The following MYO16 variants were observed in gnomAD, a reference collection of about 807,000 sequenced individuals.
MYO16 encodes the protein unconventional myosin-XVI.
Under a neutral mutation model 205.3 loss-of-function variants are expected in MYO16, and 94 were observed. That is an observed-to-expected ratio of 0.46 (90% CI 0.39 to 0.54). The LOEUF (loss-of-function observed/expected upper bound fraction) is 0.54, where lower values mean the gene tolerates loss of function less well. MYO16 is among the 20% of genes least tolerant of loss of function. MYO16 has a pLI of 0.00. For missense variants in MYO16, 2,315 were observed against 2,387.5 expected (o/e 0.97, Z 0.63); for synonymous variants, 988 against 954.0 (o/e 1.04, Z -0.66).
At chr13:108,926,569 C>A (rs1882016227) in intron 16 of MYO16, among the ~76,000 whole-genome samples, 1 of 152,020 alleles carries the variant, frequency 6.6e-6, no homozygotes, top group African/African-American at 2.4e-5. Context: ...ACACACAGGA[C>A]TCTCCCGAGG....
At chr13:108,717,380 CA>C (rs56825554) in intron 3 of MYO16, among the ~76,000 whole-genome samples, 152,216 of 152,216 alleles carry the variant, frequency 1, 76,108 homozygotes, top group Non-Finnish European at 1. Flanking sequence ...CCTGTAATCT[CA>C]AGCACTTTGG....
At chr13:109,005,678 T>G (rs1346396082) in intron 21 of MYO16, among the ~76,000 whole-genome samples, 2 of 152,218 alleles carry the variant, frequency 1.3e-5, no homozygotes, top group East Asian at 3.9e-4. Context: ...ATCACCCCGT[T>G]TCTGAAGATG....
At chr13:108,573,891 C>T in the MYO16 span, among the ~76,000 whole-genome samples, 1 of 152,302 alleles carries the variant, frequency 6.6e-6, no homozygotes, top group East Asian at 1.9e-4. Context: ...CACTCCATTG[C>T]CCAGGCTGGA....
At chr13:108,676,851 G>T (rs141808571) in intron 2 of MYO16, among the ~76,000 whole-genome samples, 2 of 152,026 alleles carry the variant, frequency 1.3e-5, no homozygotes, top group Admixed American at 1.3e-4. Flanking sequence ...TCCCCAACCC[G>T]CCAGGAACAC....
intron 31 of MYO16, among the ~76,000 whole-genome samples, chr13:109,137,197 G>T (rs1471396161): frequency 1.3e-5 from 2 of 152,204 alleles, no homozygotes; most frequent in Non-Finnish European, 2.9e-5. Flanking sequence ...GCCTGTACAT[G>T]GAAGTCAGGG....
Position 109,141,528 on chromosome 13 carries a change from G to A in MYO16, c.5164+152G>A, listed in dbSNP as rs1877097906. On this transcript the variant is annotated intron_variant, in intron 32 of 34. Coordinates refer to ENST00000457511, the MANE Select transcript of MYO16 (RefSeq NM_001198950.3). The surrounding 1 kb of genome is among the most constrained non-coding windows in gnomAD (Gnocchi z 4.1). Reference sequence around the variant, plus strand: ...CAGATATCAGCTTTAAAAAAAAATCGTATACACCCACTGTGACCAAATAGG... The same window carrying A: ...CAGATATCAGCTTTAAAAAAAAATCATATACACCCACTGTGACCAAATAGG... The A allele has an allele frequency of 2.0e-6, 1 of 498,522 alleles. No homozygotes were observed. The highest frequency in any genetic ancestry group is 3.5e-5 in the East Asian group (1 of 28,388). The allele number at this position is 498,522 out of a possible 1,614,324, so 30.9% of individuals were successfully genotyped here.
intron 1 of MYO16, among the ~76,000 whole-genome samples, chr13:108,630,142 G>GA (rs76743419): frequency 0.011 from 1,432 of 126,056 alleles, 17 homozygotes; most frequent in South Asian, 0.074. Context: ...ACAGCAACCA[G>GA]AAAAAAAAAA....
intron 16 of MYO16, among the ~76,000 whole-genome samples, chr13:108,911,072 G>T (rs1169477566): frequency 1.4e-5 from 1 of 70,726 alleles, no homozygotes; most frequent in African/African-American, 5.2e-5. Flanking sequence ...CACACAGAGA[G>T]AGAGAAGGGT....
chr13:109,195,094 T>C (rs977969753), intron 34 of MYO16, among the ~76,000 whole-genome samples: 2 of 152,082 alleles, frequency 1.3e-5, no homozygotes, highest in African/African-American at 4.8e-5. Context: ...CAGTATAATG[T>C]TACTTATTAT....
At chr13:108,808,179 C>T (rs749216677) in intron 7 of MYO16, among the ~76,000 whole-genome samples, 15 of 151,934 alleles carry the variant, frequency 9.9e-5, no homozygotes, top group Non-Finnish European at 1.9e-4. Context: ...ACCTTTTTCT[C>T]AGAAATGCAT....
upstream of MYO16, among the ~76,000 whole-genome samples, chr13:108,594,829 T>C (rs559297437): frequency 6.6e-6 from 1 of 152,338 alleles, no homozygotes; most frequent in South Asian, 2.1e-4. Context: ...GTCATACATT[T>C]GTTGGATCTC....
intron 9 of MYO16, among the ~76,000 whole-genome samples, chr13:108,834,876 G>A (rs1208680154): frequency 6.6e-6 from 1 of 151,672 alleles, no homozygotes; most frequent in Non-Finnish European, 1.5e-5. Context: ...TAAATATATT[G>A]AAGTTAAATT....
At position 108,644,403 on chromosome 13, in the gene MYO16, TC is replaced by T. The variant is rs1452628673; in HGVS notation, c.28+14532del. On this transcript the variant is annotated intron_variant, in intron 1 of 34. Transcript: ENST00000457511. The stretch of plus-strand genomic sequence containing the variant: ...ATCTATCTATCTATCTATCTATCTA[TC>T]TATCTATCTATCATCTGTTTAAATT... 3.2e-3 allele frequency among the ~76,000 whole-genome samples: 482 copies of T among 149,092 alleles called. 3 individuals carry two copies. The highest frequency in any genetic ancestry group is 0.011 in the African/African-American group (460 of 41,118).
At chr13:109,002,263 T>A (rs965627470) in intron 21 of MYO16, among the ~76,000 whole-genome samples, 3 of 152,218 alleles carry the variant, frequency 2.0e-5, no homozygotes, top group Non-Finnish European at 4.4e-5. Context: ...AATCTCCTAC[T>A]TTAATTCTGT....
chr13:108,899,245 G>T (rs1433653905), intron 15 of MYO16, among the ~76,000 whole-genome samples: 1 of 152,054 alleles, frequency 6.6e-6, no homozygotes, highest in Admixed American at 6.5e-5. Context: ...CTAACATGGA[G>T]AAACCCCGTC....
chr13:109,132,336 G>GT (rs948128105), intron 31 of MYO16, among the ~76,000 whole-genome samples: 5 of 152,100 alleles, frequency 3.3e-5, no homozygotes, highest in African/African-American at 1.2e-4. Context: ...AACCATAATT[G>GT]TTTTTTCCAA....
At chr13:109,084,775 C>T (rs1289547668) in intron 27 of MYO16, among the ~76,000 whole-genome samples, 1 of 151,454 alleles carries the variant, frequency 6.6e-6, no homozygotes, top group Non-Finnish European at 1.5e-5. Flanking sequence ...TTGTGAATGT[C>T]TGGACACTAA....
At chr13:108,940,173 A>G (rs1882663661) in intron 16 of MYO16, among the ~76,000 whole-genome samples, 1 of 152,206 alleles carries the variant, frequency 6.6e-6, no homozygotes, top group South Asian at 2.1e-4. Flanking sequence ...AACAGCAGAG[A>G]ACACTTAGGA....
At chr13:109,023,598 A>T (rs1594479820) in intron 23 of MYO16, among the ~76,000 whole-genome samples, 1 of 125,872 alleles carries the variant, frequency 7.9e-6, no homozygotes, top group Non-Finnish European at 1.6e-5. Flanking sequence ...TACAAATATA[A>T]ATGTACATAT....
Sources: allele counts gnomAD v4.1 joint callset (sites outside exome capture counted in the v4.1 genomes callset), GRCh38; gene constraint gnomAD v4.1.1; non-coding constraint Gnocchi (gnomAD v3.1); transcripts MANE v1.5; gene names NCBI Gene and HGNC (gene_info 2026-07-23, HGNC 2026-07-21).